CPPED1: variants seen among roughly 807,000 people sequenced by gnomAD.
CPPED1 encodes calcineurin like phosphoesterase domain containing 1.
CPPED1 carries 28 observed loss-of-function variants against 28.0 expected under a neutral mutation model. The observed-to-expected ratio is 1.00, with a 90% confidence interval of 0.74 to 1.37. The LOEUF (loss-of-function observed/expected upper bound fraction) is 1.37, where lower values mean the gene tolerates loss of function less well. CPPED1 is among the 40% of genes most tolerant of loss of function. CPPED1 has a pLI of 0.00. For synonymous variants in CPPED1, 198 were observed against 180.2 expected, an observed-to-expected ratio of 1.10 and a Z score of -0.79; for missense variants, 504 against 416.5, an observed-to-expected ratio of 1.21 and a Z score of -1.83.
At chr16:12,723,211 C>T (rs969069368) in intron 2 of CPPED1, among the ~76,000 whole-genome samples, 1 of 152,190 alleles carries the variant, frequency 6.6e-6, no homozygotes, top group Admixed American at 6.5e-5. Flanking sequence ...TCTTCTATAG[C>T]CTCTTCCCCT....
At chr16:12,750,540 A>G (rs1319447740) in intron 2 of CPPED1, among the ~76,000 whole-genome samples, 3 of 152,230 alleles carry the variant, frequency 2.0e-5, no homozygotes, top group Admixed American at 6.5e-5. Flanking sequence ...TTAAATGGAC[A>G]TGGTTTGTGG....
At chr16:12,791,678 A>G (rs554053256) in intron 1 of CPPED1, among the ~76,000 whole-genome samples, 2 of 152,284 alleles carry the variant, frequency 1.3e-5, no homozygotes, top group African/African-American at 4.8e-5. Context: ...TCCCTACTCC[A>G]GTCCATCTCA....
rs1488058233 is a variant in CPPED1 at position 12,660,213 on chromosome 16, G to A, written c.*4673C>T. The A allele has an allele frequency of 1.3e-5, 2 of 152,164 alleles. No individual in the cohort carries two copies. Among genetic ancestry groups the A allele is most frequent in the Non-Finnish European group, 2.9e-5 (2 of 68,042 alleles). The allele number at this position is 152,164 out of a possible 1,614,324, so 9.4% of individuals were successfully genotyped here. ...TGACAAGAAGCCAGTTTCTAGAGAG[G>A]CACAGTGGCTCACTCATTCTAAGTG... is the stretch of plus-strand genomic sequence containing the variant. On this transcript the variant is annotated 3_prime_UTR_variant, in exon 4 of 4. Transcript: ENST00000381774.
At chr16:12,743,769 C>A (rs1327584314) in intron 2 of CPPED1, among the ~76,000 whole-genome samples, 2 of 151,794 alleles carry the variant, frequency 1.3e-5, no homozygotes, top group South Asian at 2.1e-4. Flanking sequence ...TTTAGGAGGT[C>A]AAGGCAGGTG....
chr16:12,688,016 C>T (rs2079942109), intron 3 of CPPED1, among the ~76,000 whole-genome samples: 1 of 151,680 alleles, frequency 6.6e-6, no homozygotes, highest in Admixed American at 6.6e-5. Context: ...CCAGCAGGTG[C>T]CACGCAACTC....
chr16:12,702,938 G>A (rs1346360105), intron 3 of CPPED1, among the ~76,000 whole-genome samples: 1 of 151,450 alleles, frequency 6.6e-6, no homozygotes, highest in Admixed American at 6.6e-5. Flanking sequence ...CTTTAACCCA[G>A]GAGACAGAGG....
intron 2 of CPPED1, among the ~76,000 whole-genome samples, chr16:12,777,355 C>T (rs2080503578): frequency 6.6e-6 from 1 of 152,202 alleles, no homozygotes; most frequent in East Asian, 1.9e-4. Flanking sequence ...TTGTCAGCTT[C>T]ACACGTAATT....
chr16:12,798,666 T>C (rs1314759461), intron 1 of CPPED1, among the ~76,000 whole-genome samples: 1 of 152,304 alleles, frequency 6.6e-6, no homozygotes, highest in Admixed American at 6.5e-5. Flanking sequence ...AGGGAAAATA[T>C]CAAACTGGAA....
At chr16:12,669,832 T>C (rs117421852) in intron 3 of CPPED1, among the ~76,000 whole-genome samples, 3,310 of 152,268 alleles carry the variant, frequency 0.022, 52 homozygotes, top group Middle Eastern at 0.058. Context: ...AAGATGAACC[T>C]GGAACATCTT....
At chr16:12,684,919 G>C (rs1037597522) in intron 3 of CPPED1, among the ~76,000 whole-genome samples, 1 of 152,172 alleles carries the variant, frequency 6.6e-6, no homozygotes, top group Non-Finnish European at 1.5e-5. Context: ...TCCTGGAGGA[G>C]AAACCCAAAT....
chr16:12,781,175 C>T lies in CPPED1; in HGVS notation c.289+10G>A, dbSNP rs773489288. On this transcript the variant is annotated intron_variant, in intron 2 of 3. Transcript: ENST00000381774. ...GGAGAAAAGGTCACAAGCGATGACC[C>T]GAGTCTTACCTGGCATGGCGTGGAT... 3.1e-6 allele frequency: 5 copies of T among 1,608,234 alleles called. No individual in the cohort carries two copies. The highest frequency in any genetic ancestry group is 1.6e-4 in the Middle Eastern group (1 of 6,078).
chr16:12,698,583 C>T lies in CPPED1; in HGVS notation c.715+6041G>A, dbSNP rs569932527. On this transcript the variant is annotated intron_variant, in intron 3 of 3. Transcript: ENST00000381774. ...AGTAGCTGGGACTACAGGTGCCTGC[C>T]ACCATGCCCGGCTAATTTCTATATT... Among the ~76,000 whole-genome samples, 229 of 152,286 alleles carry T rather than the reference C, an allele frequency of 1.5e-3. 1 individual carries two copies. The highest frequency in any genetic ancestry group is 2.5e-3 in the Non-Finnish European group (168 of 68,018).
intron 2 of CPPED1, among the ~76,000 whole-genome samples, chr16:12,775,516 C>A (rs1201224509): frequency 6.6e-6 from 1 of 152,086 alleles, no homozygotes; most frequent in Non-Finnish European, 1.5e-5. Context: ...CAAAAAGTTT[C>A]ACATTTTGAA....
At chr16:12,721,582 G>A (rs1448509291) in intron 2 of CPPED1, among the ~76,000 whole-genome samples, 1 of 151,830 alleles carries the variant, frequency 6.6e-6, no homozygotes, top group Non-Finnish European at 1.5e-5. Context: ...GTGAAACCTC[G>A]TCCCTACTAA....
intron 1 of CPPED1, 52 bp downstream of exon 1, chr16:12,803,654 CG>C: frequency 7.3e-7 from 1 of 1,372,344 alleles, no homozygotes; most frequent in South Asian, 1.6e-5. Flanking sequence ...GTTCCCCCGG[CG>C]GAAGGTTCCG....
chr16:12,764,496 C>T (rs958612947), intron 2 of CPPED1, among the ~76,000 whole-genome samples: 1 of 152,138 alleles, frequency 6.6e-6, no homozygotes, highest in African/African-American at 2.4e-5. Context: ...AGCCACCACA[C>T]CTGGCCAAAT....
At chr16:12,690,441 G>A (rs1006984488) in intron 3 of CPPED1, among the ~76,000 whole-genome samples, 7 of 151,988 alleles carry the variant, frequency 4.6e-5, no homozygotes, top group African/African-American at 1.7e-4. Context: ...TTGAACCCAG[G>A]AGGCAGAGGT....
intron 3 of CPPED1, among the ~76,000 whole-genome samples, chr16:12,699,030 T>C (rs1049410774): frequency 3.3e-5 from 5 of 152,150 alleles, no homozygotes; most frequent in African/African-American, 9.7e-5. Flanking sequence ...AGCTTCTAAA[T>C]TGGAATCAAT....
chr16:12,797,443 G>A (rs1438546065), intron 1 of CPPED1, among the ~76,000 whole-genome samples: 1 of 152,156 alleles, frequency 6.6e-6, no homozygotes, highest in African/African-American at 2.4e-5. Flanking sequence ...AGCTACTCAG[G>A]AGGTGGAGGT....
Sources: allele counts gnomAD v4.1 joint callset (sites outside exome capture counted in the v4.1 genomes callset), GRCh38; gene constraint gnomAD v4.1.1; transcripts MANE v1.5; gene names NCBI Gene and HGNC (gene_info 2026-07-23, HGNC 2026-07-21).